The following TRPM3 variants were observed in gnomAD, a reference collection of about 807,000 sequenced individuals.
The protein encoded by TRPM3 is transient receptor potential cation channel subfamily M member 3.
A neutral mutation model predicts 181.2 loss-of-function variants in TRPM3; 77 were observed. The observed-to-expected ratio is 0.42, with a 90% confidence interval of 0.35 to 0.51. TRPM3 has a LOEUF of 0.51. TRPM3 is among the 20% of genes least tolerant of loss of function. TRPM3 has a pLI of 0.01. For synonymous variants in TRPM3, 745 were observed against 796.4 expected (o/e 0.94, Z 1.09); for missense variants, 1,759 against 2,196.7 (o/e 0.80, Z 3.98).
At chr9:71,187,933 A>C (rs866376332) in intron 1 of TRPM3, among the ~76,000 whole-genome samples, 482 of 91,852 alleles carry the variant, frequency 5.2e-3, no homozygotes, top group African/African-American at 0.015. Flanking sequence ...ATAGATAGAT[A>C]GATAGATAGA....
In TRPM3 at chr9:70,537,297, G is replaced by A. The variant is rs556615092; in HGVS notation, c.3816C>T (p.Ile1272=). Residue 1272 remains isoleucine, a synonymous_variant, in exon 26 of 26, where the codon ATC becomes ATT. Transcript: ENST00000677713. Reference sequence around the variant, plus strand: ...GCTCCAGGGCCGTGGCCATGCGCCCGATAAGGTCTTCCAGCTGCGCCAGCC... The same window carrying A: ...GCTCCAGGGCCGTGGCCATGCGCCCAATAAGGTCTTCCAGCTGCGCCAGCC... ...DIRLAQLEDL[I]GRMATALERL... is the part of the protein sequence containing the mutation. 17 of 1,547,922 alleles carry A rather than the reference G, an allele frequency of 1.1e-5. No individual in the cohort carries two copies. In the Admixed American group the frequency reaches 1.6e-4, roughly 15 times the overall value.
intron 1 of TRPM3, among the ~76,000 whole-genome samples, chr9:71,138,474 G>GTATATATAT (rs2074902835): frequency 6.6e-6 from 1 of 152,024 alleles, no homozygotes; most frequent in South Asian, 2.1e-4. Context: ...TTGTCCTCCA[G>GTATATATAT]GAGATTTTTC....
chr9:71,043,309 G>T (rs1196834763), intron 1 of TRPM3, among the ~76,000 whole-genome samples: 1 of 152,068 alleles, frequency 6.6e-6, no homozygotes, highest in Non-Finnish European at 1.5e-5. Context: ...TTGAAATTGG[G>T]GGCAGTTTCT....
chr9:70,810,516 C>T (rs1429005433), intron 6 of TRPM3, among the ~76,000 whole-genome samples: 1 of 152,074 alleles, frequency 6.6e-6, no homozygotes, highest in African/African-American at 2.4e-5. Flanking sequence ...TCTCCACCAT[C>T]TTGCAACTAA....
chr9:70,649,009 A>C (rs1291258375), intron 9 of TRPM3, among the ~76,000 whole-genome samples: 1 of 152,204 alleles, frequency 6.6e-6, no homozygotes, highest in Non-Finnish European at 1.5e-5. Flanking sequence ...AATTAACCTA[A>C]GGAGCTTCTG....
chr9:71,027,476 A>G (rs1449999703), intron 1 of TRPM3, among the ~76,000 whole-genome samples: 1 of 152,246 alleles, frequency 6.6e-6, no homozygotes, highest in Non-Finnish European at 1.5e-5. Flanking sequence ...GGATGAAATG[A>G]CAGAAATAGA....
At chr9:71,197,844 T>C (rs1053627309) in intron 1 of TRPM3, among the ~76,000 whole-genome samples, 1 of 141,478 alleles carries the variant, frequency 7.1e-6, no homozygotes, top group African/African-American at 2.5e-5. Context: ...TGATGGTAGT[T>C]TCTTTTGCTG....
Position 71,409,954 on chromosome 9 carries a change from T to C in TRPM3, c.183+36699A>G, listed in dbSNP as rs145815112. The stretch of plus-strand genomic sequence containing the variant: ...AAATTGGAACTCAGGATTAAAAAAC[T>C]CACTCAAAACTGCACAAATGCATGG... On this transcript the variant is annotated intron_variant, in intron 1 of 24. Transcript: ENST00000357533. Among the ~76,000 whole-genome samples, 1,111 of 152,212 alleles carry C rather than the reference T, an allele frequency of 7.3e-3. 14 individuals carry two copies. Among genetic ancestry groups the C allele is most frequent in the African/African-American group, 0.025 (1,046 of 41,512 alleles).
At chr9:70,820,714 C>T (rs1485551839) in intron 6 of TRPM3, among the ~76,000 whole-genome samples, 2 of 152,096 alleles carry the variant, frequency 1.3e-5, no homozygotes, top group African/African-American at 4.8e-5. Context: ...ATCTCGACTC[C>T]TTTAATCACA....
chr9:71,338,320 T>G (rs2090715098), intron 1 of TRPM3, among the ~76,000 whole-genome samples: 1 of 152,236 alleles, frequency 6.6e-6, no homozygotes, highest in Admixed American at 6.5e-5. Context: ...GCCAGTAATT[T>G]AATCGCCTGC....
At chr9:71,067,352 A>G (rs2062061579) in intron 1 of TRPM3, among the ~76,000 whole-genome samples, 5 of 152,198 alleles carry the variant, frequency 3.3e-5, no homozygotes, top group Admixed American at 3.3e-4. Context: ...CTTTTAGTAT[A>G]TAACCATCTA....
chr9:70,538,159 T>TGTCAATAA (rs1484968007), intron 25 of TRPM3, among the ~76,000 whole-genome samples: 3 of 152,232 alleles, frequency 2.0e-5, no homozygotes, highest in Non-Finnish European at 2.9e-5. Flanking sequence ...TTGGAGTATC[T>TGTCAATAA]GTCAATAAGT....
intron 1 of TRPM3, among the ~76,000 whole-genome samples, chr9:71,144,388 C>T (rs1477324661): frequency 6.6e-6 from 1 of 152,182 alleles, no homozygotes; most frequent in Non-Finnish European, 1.5e-5. Flanking sequence ...TCTGGTTCCA[C>T]CACTCATCCC....
chr9:71,240,369 T>G (rs2081591630), intron 1 of TRPM3, among the ~76,000 whole-genome samples: 1 of 152,214 alleles, frequency 6.6e-6, no homozygotes, highest in Non-Finnish European at 1.5e-5. Context: ...TTATGCTGTG[T>G]TCATCTTTTT....
At chr9:70,581,950 TTCTCC>T (rs2055863723) in intron 22 of TRPM3, among the ~76,000 whole-genome samples, 1 of 144,754 alleles carries the variant, frequency 6.9e-6, no homozygotes, top group African/African-American at 2.5e-5. Flanking sequence ...TTTCCTTGTC[TTCTCC>T]TTCCTTTCTT....
At chr9:70,928,122 A>T (rs918083826) in intron 1 of TRPM3, among the ~76,000 whole-genome samples, 39 of 152,310 alleles carry the variant, frequency 2.6e-4, no homozygotes, top group African/African-American at 9.4e-4. Context: ...GGTTGGAGTC[A>T]GAGAGATAGA....
chr9:71,072,119 A>G (rs1256530818), intron 1 of TRPM3, among the ~76,000 whole-genome samples: 1 of 152,198 alleles, frequency 6.6e-6, no homozygotes, highest in Non-Finnish European at 1.5e-5. Context: ...ACATATGTCC[A>G]TCTGATTTCT....
intron 25 of TRPM3, among the ~76,000 whole-genome samples, chr9:70,546,683 A>C (rs1017751693): frequency 3.9e-5 from 6 of 152,198 alleles, no homozygotes; most frequent in Non-Finnish European, 8.8e-5. Context: ...TCGGAAAAAA[A>C]AAAAAAAAAA....
chr9:71,017,644 C>G (rs192205987), intron 1 of TRPM3, among the ~76,000 whole-genome samples: 1 of 151,780 alleles, frequency 6.6e-6, no homozygotes, highest in Non-Finnish European at 1.5e-5. Flanking sequence ...GGCCAATTCA[C>G]ATAAGAAAAT....
Sources: allele counts gnomAD v4.1 joint callset (sites outside exome capture counted in the v4.1 genomes callset), GRCh38; gene constraint gnomAD v4.1.1; transcripts MANE v1.5; gene names NCBI Gene and HGNC (gene_info 2026-07-23, HGNC 2026-07-21).